Variants in SLC24A3 observed in about 807,000 individuals in gnomAD.
SLC24A3 encodes solute carrier family 24 member 3, also known as sodium/potassium/calcium exchanger 3.
A neutral mutation model predicts 75.8 loss-of-function variants in SLC24A3; 28 were observed. The ratio of observed to expected loss-of-function variants is 0.37; its 90% CI spans 0.27 to 0.51. The LOEUF is 0.51. Among genes scored for constraint, SLC24A3 ranks in the 20% least tolerant of loss-of-function variants. The probability of loss-of-function intolerance (pLI) is 0.94; values close to 1 mark genes in which losing one functional copy is unlikely to be tolerated. For missense variants in SLC24A3, 663 were observed against 847.8 expected (o/e 0.78, Z 2.71); for synonymous variants, 372 against 334.1 (o/e 1.11, Z -1.24).
At chr20:19,583,721 C>G (rs1222603418) in intron 4 of SLC24A3, among the ~76,000 whole-genome samples, 1 of 152,216 alleles carries the variant, frequency 6.6e-6, no homozygotes, top group Non-Finnish European at 1.5e-5. Context: ...ATACAGGGAG[C>G]TGCGAGCTGT....
At chr20:19,469,390 A>C (rs112920080) in intron 2 of SLC24A3, among the ~76,000 whole-genome samples, 1 of 152,174 alleles carries the variant, frequency 6.6e-6, no homozygotes, top group Non-Finnish European at 1.5e-5. Context: ...GCTTGGAGAC[A>C]CTGTTTTAGT....
At chr20:19,359,374 T>G (rs1234783515) in intron 2 of SLC24A3, among the ~76,000 whole-genome samples, 2 of 152,184 alleles carry the variant, frequency 1.3e-5, no homozygotes, top group Non-Finnish European at 2.9e-5. Context: ...ATGGCCTGTG[T>G]AGCTTTTCAG....
At chr20:19,577,776 T>G (rs1315292168) in intron 3 of SLC24A3, among the ~76,000 whole-genome samples, 1 of 152,248 alleles carries the variant, frequency 6.6e-6, no homozygotes, top group Non-Finnish European at 1.5e-5. Flanking sequence ...TCCTTATCAC[T>G]TCATATTGGA....
chr20:19,663,439 T>TCCACTACCTCCTGCAC (rs1568689606), intron 7 of SLC24A3, among the ~76,000 whole-genome samples: 1 of 13,446 alleles, frequency 7.4e-5, no homozygotes, highest in Non-Finnish European at 1.2e-4. Context: ...TCCTCCGCCT[T>TCCACTACCTCCTGCAC]CTCATCCTCC....
intron 10 of SLC24A3, 123 bp from the exon 11 acceptor site, chr20:19,684,053 A>G: frequency 5.6e-6 from 6 of 1,076,100 alleles, no homozygotes; most frequent in Non-Finnish European, 8.1e-6. Flanking sequence ...GGATAGATGG[A>G]TGGGTGAATG....
chr20:19,525,774 G>T (rs1301060751), intron 3 of SLC24A3, among the ~76,000 whole-genome samples: 1 of 152,120 alleles, frequency 6.6e-6, no homozygotes. Context: ...CTCAAAGAGG[G>T]GTAGACTTGC....
intron 15 of SLC24A3, among the ~76,000 whole-genome samples, chr20:19,706,978 C>T (rs2032938190): frequency 6.6e-6 from 1 of 152,170 alleles, no homozygotes; most frequent in Non-Finnish European, 1.5e-5. Flanking sequence ...CTGGGCTTGG[C>T]TGCAGGCTTC....
intron 6 of SLC24A3, among the ~76,000 whole-genome samples, chr20:19,639,893 C>G (rs1421270244): frequency 1.3e-5 from 2 of 152,386 alleles, no homozygotes; most frequent in Admixed American, 6.5e-5. Flanking sequence ...CCCTCATTAC[C>G]TGGGCCGGCA....
chr20:19,357,958 T>C (rs1985719693), intron 2 of SLC24A3, among the ~76,000 whole-genome samples: 1 of 152,250 alleles, frequency 6.6e-6, no homozygotes, highest in Admixed American at 6.5e-5. Flanking sequence ...TCTCTGTTGC[T>C]AACCTGTGCT....
At chr20:19,529,181 A>G (rs1367094246) in intron 3 of SLC24A3, among the ~76,000 whole-genome samples, 1 of 151,902 alleles carries the variant, frequency 6.6e-6, no homozygotes, top group African/African-American at 2.4e-5. Flanking sequence ...ATGTGTGTAT[A>G]TATGTGTGTG....
rs200013281 is a variant in SLC24A3 at position 19,280,953 on chromosome 20, C to T, written c.143-6C>T. 41 of 1,613,122 alleles carry T rather than the reference C, an allele frequency of 2.5e-5. No individual in the cohort carries two copies. The highest frequency in any genetic ancestry group is 8.4e-5 in the Admixed American group (5 of 59,846). ...TGATGTGTGGTTATTGTCTTTGTCT[C>T]CCCAGAGCTTGACCTCATGGACCTC... On this transcript the variant is annotated splice_region_variant and splice_polypyrimidine_tract_variant and intron_variant, in intron 1 of 16. Transcript: ENST00000328041.
intron 3 of SLC24A3, among the ~76,000 whole-genome samples, chr20:19,528,205 A>G (rs16980779): frequency 0.15 from 22,632 of 152,176 alleles, 1,832 homozygotes; most frequent in Middle Eastern, 0.2. Flanking sequence ...CAAGGGCCCC[A>G]AAGATAACTT....
chr20:19,512,666 G>T (rs1568639720), intron 2 of SLC24A3, among the ~76,000 whole-genome samples: 1 of 152,240 alleles, frequency 6.6e-6, no homozygotes, highest in African/African-American at 2.4e-5. Context: ...GCCCTCAGTG[G>T]CCTCATGCAC....
intron 2 of SLC24A3, among the ~76,000 whole-genome samples, chr20:19,300,977 T>G (rs1984181639): frequency 6.6e-6 from 1 of 152,168 alleles, no homozygotes; most frequent in Non-Finnish European, 1.5e-5. Flanking sequence ...GTGCTGTGCC[T>G]CTGGCCAACA....
At chr20:19,246,993 A>G (rs1982509141) in intron 1 of SLC24A3, among the ~76,000 whole-genome samples, 1 of 152,198 alleles carries the variant, frequency 6.6e-6, no homozygotes, top group African/African-American at 2.4e-5. Flanking sequence ...CTTTTAATCA[A>G]TATTTTATTT....
chr20:19,679,364 G>A (rs1449298004), intron 9 of SLC24A3, among the ~76,000 whole-genome samples: 4 of 152,188 alleles, frequency 2.6e-5, no homozygotes, highest in Non-Finnish European at 4.4e-5. Context: ...CCAGTCAGGC[G>A]TGGCGGCACG....
At chr20:19,319,643 CTGGCCCTAGG>C (rs1984663215) in intron 2 of SLC24A3, among the ~76,000 whole-genome samples, 1 of 152,198 alleles carries the variant, frequency 6.6e-6, no homozygotes, top group Non-Finnish European at 1.5e-5. Flanking sequence ...GACAGAGTAC[CTGGCCCTAGG>C]TTGGATGCAG....
intron 2 of SLC24A3, among the ~76,000 whole-genome samples, chr20:19,315,170 T>A (rs1984556664): frequency 1.3e-5 from 2 of 152,190 alleles, no homozygotes; most frequent in Non-Finnish European, 1.5e-5. Context: ...CCCACACCTG[T>A]CTCTATAGTT....
chr20:19,399,003 TTATC>T (rs1986504830), intron 2 of SLC24A3, among the ~76,000 whole-genome samples: 1 of 152,210 alleles, frequency 6.6e-6, no homozygotes, highest in Admixed American at 6.5e-5. Context: ...GCTATTCAAA[TTATC>T]TATTTCTTTG....
Sources: gnomAD v4.1 joint callset for allele counts (sites outside exome capture counted in the v4.1 genomes callset) on GRCh38, gnomAD v4.1.1 for gene constraint, MANE v1.5 for transcripts, NCBI Gene and HGNC (gene_info 2026-07-23, HGNC 2026-07-21) for gene names.